SDCCAG8: variants seen among roughly 807,000 people sequenced by gnomAD.
SDCCAG8 encodes the protein serologically defined colon cancer antigen 8.
A neutral mutation model predicts 101.8 loss-of-function variants in SDCCAG8; 74 were observed. The ratio of observed to expected loss-of-function variants is 0.73; its 90% CI spans 0.60 to 0.88. SDCCAG8 has a LOEUF of 0.88. Among genes scored for constraint, SDCCAG8 ranks in the 40% least tolerant of loss-of-function variants. SDCCAG8 has a pLI of 0.00. For missense variants in SDCCAG8, 787 were observed against 822.6 expected, an observed-to-expected ratio of 0.96 and a Z score of 0.53; for synonymous variants, 281 against 292.9, an observed-to-expected ratio of 0.96 and a Z score of 0.41.
At chr1:243,499,518 G>C (rs924512470) in intron 17 of SDCCAG8, among the ~76,000 whole-genome samples, 4 of 151,892 alleles carry the variant, frequency 2.6e-5, no homozygotes, top group Non-Finnish European at 5.9e-5. Context: ...CGTGTCTTTT[G>C]TCTAGGTTGT....
At position 243,293,210 on chromosome 1, in the gene SDCCAG8, G is replaced by T. The variant is rs1470059477; in HGVS notation, c.666G>T (p.Gln222His). The T allele has an allele frequency of 1.2e-6, 2 of 1,613,992 alleles. No individual in the cohort carries two copies. Among genetic ancestry groups the T allele is most frequent in the Non-Finnish European group, 1.7e-6 (2 of 1,179,988 alleles). ...DFGKAASAGE[Q>H]LELEKLKLTY... ...GCAAAGCTGCATCTGCTGGTGAGCA[G>T]CTAGAACTGGTGAGTATTTGGGTGC... Residue 222 changes from glutamine to histidine, a missense_variant, in exon 6 of 18, where the codon CAG becomes CAT. Physicochemically the swap from Gln to His is conservative, Grantham distance 24. Coordinates refer to ENST00000366541, the MANE Select transcript of SDCCAG8 (RefSeq NM_006642.5).
rs999454694 is a variant in SDCCAG8 at position 243,307,922 on chromosome 1, A to T, written c.741-67A>T. On this transcript the variant is annotated intron_variant, in intron 7 of 17. Transcript: ENST00000366541. Reference sequence around the variant, plus strand: ...AACGATAGTAGTAGTTAACATTATGATGATTCATTTTAAAGTCATGTAATT... The same window carrying T: ...AACGATAGTAGTAGTTAACATTATGTTGATTCATTTTAAAGTCATGTAATT... The T allele has an allele frequency of 4.4e-6, 7 of 1,602,740 alleles. No homozygotes were observed. The African/African-American group carries it at 8.0e-5, about 18-fold the overall frequency.
At chr1:243,274,217 C>T (rs902996257) in intron 3 of SDCCAG8, among the ~76,000 whole-genome samples, 1 of 152,092 alleles carries the variant, frequency 6.6e-6, no homozygotes, top group African/African-American at 2.4e-5. Context: ...TTCTTTTAAA[C>T]AACCAAATCT....
intron 16 of SDCCAG8, among the ~76,000 whole-genome samples, chr1:243,482,375 TCAG>T (rs1558530453): frequency 6.6e-6 from 1 of 152,212 alleles, no homozygotes; most frequent in East Asian, 1.9e-4. Context: ...TGTGATTTCA[TCAG>T]CATCTGCCTT....
At chr1:243,482,067 A>T (rs1009141724) in intron 16 of SDCCAG8, among the ~76,000 whole-genome samples, 1 of 152,234 alleles carries the variant, frequency 6.6e-6, no homozygotes, top group Admixed American at 6.5e-5. Flanking sequence ...ATCACATACA[A>T]CATAAAAAAA....
chr1:243,491,274 A>G (rs1666347047), intron 17 of SDCCAG8, among the ~76,000 whole-genome samples: 1 of 152,230 alleles, frequency 6.6e-6, no homozygotes, highest in African/African-American at 2.4e-5. Context: ...ACGCATTAAA[A>G]AAACCCCAAA....
intron 12 of SDCCAG8, among the ~76,000 whole-genome samples, chr1:243,365,063 A>G (rs1467833): frequency 0.2 from 30,956 of 152,134 alleles, 4,969 homozygotes; most frequent in African/African-American, 0.45. Flanking sequence ...TAACTGAGTT[A>G]GCGTTGTGGC....
rs184552808 is a variant in SDCCAG8, at chr1:243,370,940, G to A, written c.1474-7781G>A. On this transcript the variant is annotated intron_variant, in intron 12 of 17. Transcript: ENST00000366541. ...GGAAGGCTGAAAGGTTAAGTTGCAC[G>A]TTGATTCTTAGGCTGGCGTGGAGTT... 1.4e-4 allele frequency among the ~76,000 whole-genome samples: 22 copies of A among 152,220 alleles called. No individual in the cohort carries two copies. In the East Asian group the frequency reaches 2.9e-3, roughly 20 times the overall value.
intron 9 of SDCCAG8, among the ~76,000 whole-genome samples, chr1:243,320,501 G>A (rs190574976): frequency 3.2e-4 from 48 of 152,044 alleles, no homozygotes; most frequent in African/African-American, 9.6e-4. Context: ...CTCCTCTCGC[G>A]CCCTGTCTCC....
rs1236293892 is a variant in SDCCAG8, at chr1:243,285,644, G to T, written c.421-628G>T. ...TTGAAACGTTTTTCCAGAGACTGAG[G>T]TGCCACTCAATAGCTATTCTAATGA... On this transcript the variant is annotated intron_variant, in intron 4 of 17. Coordinates refer to ENST00000366541, the MANE Select transcript of SDCCAG8 (RefSeq NM_006642.5). Among the ~76,000 whole-genome samples, 3 of 152,236 alleles carry T rather than the reference G, an allele frequency of 2.0e-5. No individual in the cohort carries two copies. The East Asian group carries it at 5.8e-4, about 29-fold the overall frequency.
chr1:243,284,849 G>A (rs1398866054), intron 4 of SDCCAG8, among the ~76,000 whole-genome samples: 1 of 152,060 alleles, frequency 6.6e-6, no homozygotes, highest in Non-Finnish European at 1.5e-5. Flanking sequence ...TAAAATTGGG[G>A]AAGTGGGGCA....
chr1:243,310,325 G>A (rs1194882135), intron 8 of SDCCAG8, among the ~76,000 whole-genome samples: 1 of 152,002 alleles, frequency 6.6e-6, no homozygotes, highest in Non-Finnish European at 1.5e-5. Context: ...TTTATTATAT[G>A]TCAACGACTG....
intron 4 of SDCCAG8, among the ~76,000 whole-genome samples, chr1:243,274,924 T>C (rs2068410266): frequency 6.6e-6 from 1 of 152,182 alleles, no homozygotes; most frequent in South Asian, 2.1e-4. Context: ...TTTCAGAAGT[T>C]TTCCTTCTCA....
intron 12 of SDCCAG8, among the ~76,000 whole-genome samples, chr1:243,373,988 A>G (rs1239523526): frequency 6.6e-6 from 1 of 152,150 alleles, no homozygotes; most frequent in African/African-American, 2.4e-5. Context: ...GAGGCAACAT[A>G]TAATAAGCAA....
intron 17 of SDCCAG8, among the ~76,000 whole-genome samples, chr1:243,489,443 G>A (rs895058571): frequency 6.6e-6 from 1 of 152,234 alleles, no homozygotes; most frequent in Non-Finnish European, 1.5e-5. Flanking sequence ...AGGGAGAAGC[G>A]GGAGGACGGC....
intron 16 of SDCCAG8, among the ~76,000 whole-genome samples, chr1:243,470,373 C>T (rs1660995838): frequency 6.6e-6 from 1 of 152,170 alleles, no homozygotes; most frequent in Non-Finnish European, 1.5e-5. Flanking sequence ...TCTTTTGATC[C>T]CTGGCCTGAT....
intron 16 of SDCCAG8, chr1:243,476,223 A>G (rs546098630): frequency 1.2e-4 from 122 of 985,372 alleles, no homozygotes; most frequent in Non-Finnish European, 1.4e-4. Flanking sequence ...TTCTTTGACA[A>G]GGGTCAGCGG....
At chr1:243,305,647 G>A (rs922192650) in intron 7 of SDCCAG8, 3 of 152,088 alleles carry the variant, frequency 2.0e-5, no homozygotes, top group Admixed American at 2.0e-4. Context: ...TGTTGTTAAA[G>A]ATTATTTTTA....
intron 12 of SDCCAG8, among the ~76,000 whole-genome samples, chr1:243,378,253 G>A (rs79090102): frequency 5.4e-4 from 81 of 149,882 alleles, no homozygotes; most frequent in Middle Eastern, 7.0e-3. Flanking sequence ...CACATTTTTC[G>A]AAAATCTCTC....
Sources: gnomAD v4.1 joint callset for allele counts (sites outside exome capture counted in the v4.1 genomes callset) on GRCh38, gnomAD v4.1.1 for gene constraint, MANE v1.5 for transcripts, NCBI Gene and HGNC (gene_info 2026-07-23, HGNC 2026-07-21) for gene names.